CDK5RAP2: variants seen among roughly 807,000 people sequenced by gnomAD.
CDK5RAP2 encodes the protein CDK5 regulatory subunit-associated protein 2.
In CDK5RAP2, 147 loss-of-function variants were observed where a neutral mutation model predicts 232.9. The ratio of observed to expected loss-of-function variants is 0.63; its 90% confidence interval spans 0.55 to 0.72. The LOEUF is 0.72. Ranked by LOEUF, CDK5RAP2 falls within the 30% of genes least tolerant of loss-of-function variation. The pLI is 0.00. For synonymous variants in CDK5RAP2, 833 were observed against 833.7 expected, an observed-to-expected ratio of 1.00 and a Z score of 0.01; for missense variants, 2,195 against 2,231.5, an observed-to-expected ratio of 0.98 and a Z score of 0.33.
chr9:120,403,549 T>G lies in CDK5RAP2; in HGVS notation c.5042-478A>C. The G allele has an allele frequency of 3.7e-6, 1 of 268,246 alleles. No individual in the cohort carries two copies. The highest frequency in any genetic ancestry group is 7.2e-6 in the Non-Finnish European group (1 of 137,960). The allele number at this position is 268,246 out of a possible 1,614,324, so 16.6% of individuals were successfully genotyped here. A position where few individuals can be genotyped will look rare whatever the true frequency, so the allele number is the denominator to read the frequency against. On this transcript the variant is annotated intron_variant, in intron 33 of 37. Transcript: ENST00000349780. The surrounding 1 kb of genome is among the most constrained non-coding windows in gnomAD (Gnocchi z 4.2). ...TAGCAAGAATTACACGAATGATGAG[T>G]CATTCTGACCAAGGACAGCAGCAAA...
chr9:120,453,664 T>A lies in CDK5RAP2; in HGVS notation c.2585A>T (p.Glu862Val). Residue 862 changes from glutamate (E) to valine (V), a missense_variant, in exon 21 of 38, where the codon GAA becomes GTA. Physicochemically the swap from Glu to Val is moderately radical, Grantham distance 121. Coordinates refer to ENST00000349780, the MANE Select transcript of CDK5RAP2 (RefSeq NM_018249.6). Reference sequence around the variant, plus strand: ...ATCTTTCAGTCCTACCTTGGGCACTTCGCCTGCCTTTACTAGCTGGGCCTC... The same window carrying A: ...ATCTTTCAGTCCTACCTTGGGCACTACGCCTGCCTTTACTAGCTGGGCCTC... ...SCEAQLVKAG[E>V]VPKVGLKDAS... 1 of 1,614,222 alleles carries A rather than the reference T, an allele frequency of 6.2e-7. No individual in the cohort carries two copies. The highest frequency in any genetic ancestry group is 8.5e-7 in the Non-Finnish European group (1 of 1,180,038).
intron 14 of CDK5RAP2, among the ~76,000 whole-genome samples, chr9:120,480,536 C>T (rs912764049): frequency 6.6e-6 from 1 of 152,196 alleles, no homozygotes; most frequent in African/African-American, 2.4e-5. Flanking sequence ...CCATATCTTA[C>T]TATTTAACAT....
intron 28 of CDK5RAP2, among the ~76,000 whole-genome samples, chr9:120,414,325 G>C (rs1027613808): frequency 6.6e-6 from 1 of 152,086 alleles, no homozygotes. Context: ...AGACAAACTC[G>C]GGCTTTTCTG....
chr9:120,545,678 G>A, intron 5 of CDK5RAP2, 36 bp downstream of exon 5: 2 of 1,537,106 alleles, frequency 1.3e-6, no homozygotes, highest in Non-Finnish European at 1.8e-6. Flanking sequence ...CCCAGTGTGG[G>A]CGACTTGCAA....
At position 120,410,450 on chromosome 9, in the gene CDK5RAP2, G is replaced by T. The variant is rs576507239; in HGVS notation, c.4414+908C>A. Among the ~76,000 whole-genome samples, 3 of 152,238 alleles carry T rather than the reference G, an allele frequency of 2.0e-5. No individual in the cohort carries two copies. The East Asian group carries it at 5.8e-4, about 29-fold the overall frequency. On this transcript the variant is annotated intron_variant, in intron 29 of 37. Coordinates refer to ENST00000349780, the MANE Select transcript of CDK5RAP2 (RefSeq NM_018249.6). ...TGAAGGCAAGCTTTTCCTGAGTCAG[G>T]ATGCCTTCTCCAGGGTCCTGCAGTT...
chr9:120,501,339 C>T (rs904445774), intron 12 of CDK5RAP2, among the ~76,000 whole-genome samples: 38 of 152,362 alleles, frequency 2.5e-4, no homozygotes, highest in Admixed American at 2.4e-3. Context: ...ATCCACCTTA[C>T]TCTCCATATT....
At chr9:120,440,721 G>A (rs1267145348) in intron 23 of CDK5RAP2, among the ~76,000 whole-genome samples, 1 of 152,182 alleles carries the variant, frequency 6.6e-6, no homozygotes. Context: ...CAGAGATGTG[G>A]CCTTTCATTT....
intron 27 of CDK5RAP2, 96 bp from the exon 28 acceptor site, chr9:120,415,255 T>C (rs555807032): frequency 1.4e-6 from 2 of 1,419,588 alleles, no homozygotes; most frequent in Non-Finnish European, 9.8e-7. Flanking sequence ...CCAAACAGTA[T>C]TGGATGTGTT....
At chr9:120,468,745 C>G (rs1033657157) in intron 17 of CDK5RAP2, among the ~76,000 whole-genome samples, 1 of 152,212 alleles carries the variant, frequency 6.6e-6, no homozygotes, top group Non-Finnish European at 1.5e-5. Context: ...TCTACACAGG[C>G]AGAGTTGGGC....
chr9:120,461,971 T>C (rs908850058), intron 18 of CDK5RAP2, among the ~76,000 whole-genome samples: 3 of 152,252 alleles, frequency 2.0e-5, no homozygotes, highest in Admixed American at 6.5e-5. Flanking sequence ...TCTGAATCCC[T>C]ACATTTAGTC....
At chr9:120,424,751 G>T (rs556377997) in intron 25 of CDK5RAP2, among the ~76,000 whole-genome samples, 1 of 149,450 alleles carries the variant, frequency 6.7e-6, no homozygotes, top group South Asian at 2.1e-4. Context: ...CCAGGCTGGA[G>T]TACAGTGACA....
rs765852426 is a variant in CDK5RAP2 at position 120,409,185 on chromosome 9, CCTT to C, written c.4543_4545del (p.Lys1515del). 24 of 1,613,660 alleles carry C rather than the reference CCTT, an allele frequency of 1.5e-5. 1 individual carries two copies. In the South Asian group the frequency reaches 1.5e-4, roughly 10 times the overall value. ...TGGATCAGCTGCTGGTTGTGTCTCT[CCTT>C]CTCGCTGCCTTCTTTCTGCAGCCTT... On this transcript the variant is annotated inframe_deletion, in exon 30 of 38. Coordinates refer to ENST00000349780, the MANE Select transcript of CDK5RAP2 (RefSeq NM_018249.6).
At position 120,515,060 on chromosome 9, in the gene CDK5RAP2, CAGAGAG is replaced by C. The variant is rs149313727; in HGVS notation, c.1311+3361_1311+3366del. On this transcript the variant is annotated intron_variant, in intron 12 of 37. Coordinates refer to ENST00000349780, the MANE Select transcript of CDK5RAP2 (RefSeq NM_018249.6). The stretch of plus-strand genomic sequence containing the variant: ...ACATATTATATATTATCGAGAGAGA[CAGAGAG>C]AGAGAGAGAGAGACAGAGTGTGTGT... Among the ~76,000 whole-genome samples, 4 of 148,434 alleles carry C rather than the reference CAGAGAG, an allele frequency of 2.7e-5. No individual in the cohort carries two copies. In the South Asian group the frequency reaches 6.4e-4, roughly 24 times the overall value.
At position 120,460,600 on chromosome 9, in the gene CDK5RAP2, C is replaced by T; in HGVS notation, c.2174G>A (p.Ser725Asn). The change falls in exon 19 of 38, where the codon AGT becomes AAT. Residue 725 changes from serine (S) to asparagine (N), a missense_variant. Physicochemically the swap from Ser to Asn is conservative, Grantham distance 46. Transcript: ENST00000349780. ...IGEDDEINFL[S>N]DQHLQQSNEI... ...ATTACTCTGCTGCAAATGCTGGTCA[C>T]TCAGGAAATTAATCTCGTCATCCTC... 1 of 1,614,134 alleles carries T rather than the reference C, an allele frequency of 6.2e-7. No individual in the cohort carries two copies. Among genetic ancestry groups the T allele is most frequent in the African/African-American group, 1.3e-5 (1 of 75,038 alleles).
chr9:120,486,658 G>T (rs1007135542), intron 14 of CDK5RAP2, among the ~76,000 whole-genome samples: 20 of 152,222 alleles, frequency 1.3e-4, no homozygotes, highest in African/African-American at 4.8e-4. Context: ...CAGAGTAAGT[G>T]CCATGATAGA....
At chr9:120,422,279 T>C (rs773957555) in intron 26 of CDK5RAP2, among the ~76,000 whole-genome samples, 1 of 151,934 alleles carries the variant, frequency 6.6e-6, no homozygotes, top group Non-Finnish European at 1.5e-5. Context: ...TGGAGAATAA[T>C]ACAAAGCCAA....
At chr9:120,533,797 T>TA (rs147527299) in intron 7 of CDK5RAP2, among the ~76,000 whole-genome samples, 4,063 of 52,656 alleles carry the variant, frequency 0.077, 181 homozygotes, top group African/African-American at 0.14. Context: ...AGACTCCATC[T>TA]AAAAAAAAAA....
chr9:120,432,684 G>A (rs941194081), intron 25 of CDK5RAP2, among the ~76,000 whole-genome samples: 1 of 152,174 alleles, frequency 6.6e-6, no homozygotes, highest in South Asian at 2.1e-4. Context: ...AAAATGCTTC[G>A]TCTGCCTGCA....
At chr9:120,463,816 A>G (rs1339728175) in intron 18 of CDK5RAP2, among the ~76,000 whole-genome samples, 2 of 152,216 alleles carry the variant, frequency 1.3e-5, no homozygotes, top group Non-Finnish European at 2.9e-5. Context: ...GTTTCCAGGA[A>G]TGGTCAAGAA....
Sources: gnomAD v4.1 joint callset for allele counts (sites outside exome capture counted in the v4.1 genomes callset) on GRCh38, gnomAD v4.1.1 for gene constraint, Gnocchi (gnomAD v3.1) non-coding constraint, MANE v1.5 for transcripts, NCBI Gene and HGNC (gene_info 2026-07-23, HGNC 2026-07-21) for gene names.